HTT: variants seen among roughly 807,000 people sequenced by gnomAD.
HTT encodes huntington disease protein.
In HTT, 104 loss-of-function variants were observed where a neutral mutation model predicts 362.3. The ratio of observed to expected loss-of-function variants is 0.29; its 90% CI spans 0.24 to 0.34. HTT has a LOEUF of 0.34. HTT is among the 10% of genes least tolerant of loss of function. The pLI is 1.00. For missense variants in HTT, 3,301 were observed against 3,928.6 expected, an observed-to-expected ratio of 0.84 and a Z score of 4.27; for synonymous variants, 1,577 against 1,548.7, an observed-to-expected ratio of 1.02 and a Z score of -0.43.
At chr4:3,195,711 T>G (rs1719219121) in intron 40 of HTT, among the ~76,000 whole-genome samples, 2 of 152,228 alleles carry the variant, frequency 1.3e-5, no homozygotes, top group African/African-American at 4.8e-5. Flanking sequence ...GGTTGTTTCT[T>G]GGTTTTATGA....
chr4:3,200,905 C>T (rs363113), intron 41 of HTT, among the ~76,000 whole-genome samples: 3,256 of 152,280 alleles, frequency 0.021, 104 homozygotes, highest in African/African-American at 0.071. Context: ...GCTGCTTTAA[C>T]GTGCATAGAA....
At chr4:3,164,294 T>A (rs1717592398) in intron 29 of HTT, among the ~76,000 whole-genome samples, 1 of 152,160 alleles carries the variant, frequency 6.6e-6, no homozygotes, top group South Asian at 2.1e-4. Flanking sequence ...TGACAGACAG[T>A]TTGTTGTGAT....
rs1160844797 is a variant in HTT, at chr4:3,154,342, G to A, written c.3548G>A (p.Arg1183Gln). 4.3e-6 allele frequency: 7 copies of A among 1,612,448 alleles called. No homozygotes were observed. Among genetic ancestry groups the A allele is most frequent in the African/African-American group, 1.3e-5 (1 of 74,818 alleles). ...TNPPSLSPIR[R>Q]KGKEKEPGEQ... ...CCCCCTTCTCTAAGTCCCATCCGAC[G>A]AAAGGGGAAGGAGAAAGAACCAGGA... The change falls in exon 27 of 67, where the codon CGA becomes CAA. Residue 1183 changes from arginine to glutamine, a missense_variant. Physicochemically the swap from Arg to Gln is conservative, Grantham distance 43. Around this residue, in one of 4 missense-constraint regions of HTT, gnomAD observed 2,316 missense variants for 2,658.5 expected, o/e 0.87. Transcript: ENST00000355072.
chr4:3,217,672 C>T, intron 51 of HTT, 93 bp from the exon 52 acceptor site: 5 of 1,098,550 alleles, frequency 4.6e-6, no homozygotes, highest in Non-Finnish European at 6.6e-6. Flanking sequence ...TCCACAGTTA[C>T]AGCTTGAGCA....
chr4:3,140,455 T>A (rs3025851), intron 21 of HTT, 55 bp from the exon 22 acceptor site: 72,129 of 1,551,384 alleles, frequency 0.046, 2,283 homozygotes, highest in African/African-American at 0.15. Context: ...GGGTGGTCTA[T>A]CACAGGTGAG....
chr4:3,163,847 T>C (rs1303881312), intron 29 of HTT, among the ~76,000 whole-genome samples: 2 of 152,110 alleles, frequency 1.3e-5, no homozygotes, highest in East Asian at 3.8e-4. Context: ...GTCTACCTAT[T>C]TTATTGATCT....
At chr4:3,182,175 C>T (rs1184424078) in intron 36 of HTT, among the ~76,000 whole-genome samples, 179 bp from the exon 37 acceptor site, 4 of 152,232 alleles carry the variant, frequency 2.6e-5, no homozygotes, top group Admixed American at 6.5e-5. Context: ...TCTGATTCCC[C>T]TACATTTCTC....
In HTT at chr4:3,132,564, G is replaced by A; in HGVS notation, c.2239G>A (p.Glu747Lys). Residue 747 changes from glutamate to lysine, a missense_variant and splice_region_variant, in exon 17 of 67, where the codon GAA becomes AAA. Physicochemically the swap from Glu to Lys is moderately conservative, Grantham distance 56. This residue lies in a region of HTT where 2,316 missense variants were observed against 2,658.5 expected (regional missense o/e 0.87). Transcript: ENST00000355072. ...GGCTGAGCAATTTATCTCCACAGAG[G>A]AACAGTATGTCTCAGACATCTTGAA... ...VPLDTTEYPEEQYVSDILNYI... is the reference protein window; with the variant it reads ...VPLDTTEYPEKQYVSDILNYI... 1 of 1,613,720 alleles carries A rather than the reference G, an allele frequency of 6.2e-7. No homozygotes were observed.
At chr4:3,156,921 C>T in intron 27 of HTT, 151 bp from the exon 28 acceptor site, 1 of 603,936 alleles carries the variant, frequency 1.7e-6, no homozygotes, top group East Asian at 3.0e-5. Context: ...GTCAATTTCT[C>T]ATTACTTCTA....
chr4:3,157,233 G>A, intron 28 of HTT, 34 bp downstream of exon 28: 1 of 1,584,696 alleles, frequency 6.3e-7, no homozygotes, highest in Non-Finnish European at 8.6e-7. Context: ...AAATATATAT[G>A]CACACATACT....
intron 30 of HTT, 111 bp downstream of exon 30, chr4:3,172,508 G>A: frequency 1.2e-6 from 1 of 802,642 alleles, no homozygotes; most frequent in Non-Finnish European, 2.2e-6. Context: ...GGAGGATTGT[G>A]GGGTCCAGCG....
Position 3,142,784 on chromosome 4 carries a change from C to A in HTT, c.2964C>A (p.Asn988Lys). ...STITRIYRGYNLLPSITDVTM... is the reference protein window; with the variant it reads ...STITRIYRGYKLLPSITDVTM... ...TTATTAGAATATATAGAGGCTATAA[C>A]CTACTACCAAGCATAACAGACGTCA... Residue 988 changes from asparagine (N) to lysine (K), a missense_variant, in exon 23 of 67, where the codon AAC becomes AAA. Transcript: ENST00000355072. The A allele has an allele frequency of 6.5e-7, 1 of 1,528,396 alleles. No homozygotes were observed. Among genetic ancestry groups the A allele is most frequent in the Non-Finnish European group, 9.1e-7 (1 of 1,102,354 alleles). The allele number at this position is 1,528,396 out of a possible 1,614,324, so 94.7% of individuals were successfully genotyped here. A position where few individuals can be genotyped will look rare whatever the true frequency, so the allele number is the denominator to read the frequency against.
intron 21 of HTT, among the ~76,000 whole-genome samples, chr4:3,138,002 A>G (rs1174925745): frequency 1.3e-5 from 2 of 152,174 alleles, no homozygotes; most frequent in Non-Finnish European, 2.9e-5. Flanking sequence ...TAGATCACCT[A>G]GAAGTGGATT....
At chr4:3,130,525 C>G (rs3025855) in intron 14 of HTT, 102 bp downstream of exon 14, 13 of 636,620 alleles carry the variant, frequency 2.0e-5, no homozygotes, top group African/African-American at 1.5e-4. Context: ...CATCCCTGGG[C>G]CTTTAAATTT....
At chr4:3,095,020 A>G (rs1192699663) in intron 2 of HTT, among the ~76,000 whole-genome samples, 1 of 151,410 alleles carries the variant, frequency 6.6e-6, no homozygotes, top group South Asian at 2.1e-4. Flanking sequence ...ACAGCCGGGA[A>G]GAGGCGCTCC....
At chr4:3,158,136 A>G (rs1717249370) in intron 28 of HTT, among the ~76,000 whole-genome samples, 1 of 152,108 alleles carries the variant, frequency 6.6e-6, no homozygotes, top group Non-Finnish European at 1.5e-5. Flanking sequence ...GGCATGTGCC[A>G]CCACACCCAG....
intron 40 of HTT, among the ~76,000 whole-genome samples, chr4:3,198,819 G>A (rs1014259960): frequency 2.6e-5 from 4 of 152,240 alleles, no homozygotes; most frequent in African/African-American, 9.6e-5. Flanking sequence ...TGTGTGGGGA[G>A]GCTGACCGCT....
At chr4:3,107,166 C>G (rs2110163164) in intron 5 of HTT, 119 bp from the exon 6 acceptor site, 1 of 972,474 alleles carries the variant, frequency 1.0e-6, no homozygotes, top group East Asian at 2.5e-5. Flanking sequence ...CTGAGTTTTC[C>G]CCATCCCATT....
chr4:3,131,807 G>T, intron 16 of HTT, 32 bp downstream of exon 16: 1 of 1,587,244 alleles, frequency 6.3e-7, no homozygotes, highest in Non-Finnish European at 8.6e-7. Context: ...TATTTTCTCA[G>T]ATTTAATCAT....
Sources: allele counts gnomAD v4.1 joint callset (sites outside exome capture counted in the v4.1 genomes callset), GRCh38; gene constraint gnomAD v4.1.1; regional missense constraint gnomAD v4.1.1; transcripts MANE v1.5; gene names NCBI Gene and HGNC (gene_info 2026-07-23, HGNC 2026-07-21).